NLRP1: variants seen among roughly 807,000 people sequenced by gnomAD.
The protein encoded by NLRP1 is NLR family pyrin domain containing 1.
A neutral mutation model predicts 136.7 loss-of-function variants in NLRP1; 94 were observed. The observed-to-expected ratio is 0.69, with a 90% CI of 0.58 to 0.82. The LOEUF (loss-of-function observed/expected upper bound fraction) is 0.82. Among genes scored for constraint, NLRP1 ranks in the 40% least tolerant of loss-of-function variants. The pLI is 0.00. For synonymous variants in NLRP1, 690 were observed against 725.1 expected, an observed-to-expected ratio of 0.95 and a Z score of 0.78; for missense variants, 1,575 against 1,802.7, an observed-to-expected ratio of 0.87 and a Z score of 2.29.
intron 5 of NLRP1, among the ~76,000 whole-genome samples, chr17:5,542,905 C>T (rs999779062): frequency 6.6e-6 from 1 of 152,116 alleles, no homozygotes; most frequent in African/African-American, 2.4e-5. Flanking sequence ...TCTCGGCTCA[C>T]TGCAACCTCC....
downstream of NLRP1, chr17:5,512,112 G>A (rs554682372): frequency 2.3e-5 from 18 of 784,846 alleles, no homozygotes; most frequent in South Asian, 2.2e-4. Flanking sequence ...TGTCTTCATA[G>A]TCTGCACTTA....
In NLRP1 at chr17:5,553,474, C is replaced by A; in HGVS notation, c.2440G>T (p.Asp814Tyr). Residue 814 changes from aspartate to tyrosine, a missense_variant, in exon 5 of 17, where the codon GAC becomes TAC. Asp to Tyr is a radical substitution (Grantham distance 160, BLOSUM62 -3). Transcript: ENST00000572272. ...TGGCTCAGCGAGTTTCCACTTAGGT[C>A]CAGCTCCTTCAGGTTTCTGGTGACC... is the stretch of plus-strand genomic sequence containing the variant. ...LKVTRNLKEL[D>Y]LSGNSLSHSA... 6.2e-7 allele frequency: 1 copy of A among 1,614,156 alleles called. No homozygotes were observed. Among genetic ancestry groups the A allele is most frequent in the South Asian group, 1.1e-5 (1 of 91,084 alleles).
At chr17:5,521,372 A>G in intron 13 of NLRP1, 152 bp downstream of exon 13, 1 of 751,184 alleles carries the variant, frequency 1.3e-6, no homozygotes, top group Non-Finnish European at 2.2e-6. Context: ...TCCAAGACTG[A>G]GAGGGGACGA....
intron 15 of NLRP1, chr17:5,502,912 G>A (rs184798238): frequency 2.1e-4 from 32 of 152,402 alleles, no homozygotes; most frequent in African/African-American, 7.7e-4. Context: ...GTCAAGGGTG[G>A]AATATAAGGT....
intron 3 of NLRP1, among the ~76,000 whole-genome samples, chr17:5,570,457 A>C (rs1915752454): frequency 6.6e-6 from 1 of 152,146 alleles, no homozygotes; most frequent in African/African-American, 2.4e-5. Flanking sequence ...GGAAATATAA[A>C]AAACCCTCAG....
chr17:5,512,118 A>G, downstream of NLRP1: 1 of 796,828 alleles, frequency 1.3e-6, no homozygotes, highest in East Asian at 2.8e-5. Context: ...CATAGTCTGC[A>G]CTTATTCCCT....
At chr17:5,560,545 C>T (rs1234790776) in intron 3 of NLRP1, among the ~76,000 whole-genome samples, 1 of 151,888 alleles carries the variant, frequency 6.6e-6, no homozygotes, top group East Asian at 1.9e-4. Context: ...GGTCATCTGT[C>T]TGAGGGCTCT....
chr17:5,544,164 G>A (rs1912240470), intron 5 of NLRP1, among the ~76,000 whole-genome samples: 1 of 152,154 alleles, frequency 6.6e-6, no homozygotes, highest in Non-Finnish European at 1.5e-5. Context: ...TTTGAGTGTT[G>A]TGGGGCCCCC....
chr17:5,580,192 G>A (rs1340046409), intron 3 of NLRP1, among the ~76,000 whole-genome samples: 7 of 152,004 alleles, frequency 4.6e-5, no homozygotes, highest in Non-Finnish European at 1.0e-4. Flanking sequence ...TGGAGATCAC[G>A]CCACTGCACT....
At chr17:5,547,448 G>A (rs1912818586) in intron 5 of NLRP1, among the ~76,000 whole-genome samples, 1 of 152,190 alleles carries the variant, frequency 6.6e-6, no homozygotes, top group Admixed American at 6.5e-5. Context: ...GAACCTGTGT[G>A]TGTCTGGCTC....
rs4790779 is a variant in NLRP1, at chr17:5,578,514, T to A, written c.652+3345A>T. ...AGCCAACAGACATATGAAAAAATGCTCATCATCACTGGCCATTAGAGAAAT... is the reference window on the plus strand; with the variant it reads ...AGCCAACAGACATATGAAAAAATGCACATCATCACTGGCCATTAGAGAAAT... On this transcript the variant is annotated intron_variant, in intron 3 of 16. Coordinates refer to ENST00000572272, the MANE Select transcript of NLRP1 (RefSeq NM_033004.4). Among the ~76,000 whole-genome samples the A allele has an allele frequency of 3.2e-3, 486 of 152,232 alleles. 2 individuals are homozygous for A. The highest frequency in any genetic ancestry group is 0.011 in the African/African-American group (456 of 41,548).
At chr17:5,510,429 G>C (rs952941485), downstream of NLRP1, among the ~76,000 whole-genome samples, 1 of 151,510 alleles carries the variant, frequency 6.6e-6, no homozygotes. Flanking sequence ...GCGTGATCTC[G>C]GCTCACTGCA....
intron 5 of NLRP1, among the ~76,000 whole-genome samples, chr17:5,543,909 G>A (rs1382145084): frequency 1.3e-5 from 2 of 152,170 alleles, no homozygotes; most frequent in African/African-American, 4.8e-5. Flanking sequence ...GTACAACCAG[G>A]GTGGTTGCAC....
At chr17:5,528,565 T>A (rs543131810) in intron 12 of NLRP1, among the ~76,000 whole-genome samples, 6 of 152,338 alleles carry the variant, frequency 3.9e-5, no homozygotes, top group Non-Finnish European at 8.8e-5. Flanking sequence ...TTTTGTGGCC[T>A]CAACAAACAA....
At chr17:5,563,626 G>A (rs1372537642) in intron 3 of NLRP1, among the ~76,000 whole-genome samples, 2 of 152,170 alleles carry the variant, frequency 1.3e-5, no homozygotes, top group Non-Finnish European at 2.9e-5. Context: ...TGGGATTTTG[G>A]AAAGAGACCA....
chr17:5,557,657 C>T (rs1226538899), intron 4 of NLRP1, among the ~76,000 whole-genome samples: 2 of 152,106 alleles, frequency 1.3e-5, no homozygotes, highest in African/African-American at 4.8e-5. Flanking sequence ...AGACACATAC[C>T]AATAGCATGT....
At chr17:5,535,219 C>CA (rs961680088) in intron 8 of NLRP1, among the ~76,000 whole-genome samples, 2,131 of 127,072 alleles carry the variant, frequency 0.017, 26 homozygotes, top group Non-Finnish European at 0.025. Context: ...GACTCTGTCT[C>CA]AAAAAAAAAA....
At position 5,559,635 on chromosome 17, in the gene NLRP1, C is replaced by T. The variant is rs115872694; in HGVS notation, c.1061G>A (p.Gly354Asp). 4,583 of 1,614,234 alleles carry T rather than the reference C, an allele frequency of 2.8e-3. 102 individuals are homozygous for T. The African/African-American group carries it at 0.053, about 19-fold the overall frequency. Residue 354 changes from glycine (G) to aspartate (D), a missense_variant, in exon 4 of 17, where the codon GGC becomes GAC. By Grantham distance (94) the Gly-to-Asp change is moderately conservative. Coordinates refer to ENST00000572272, the MANE Select transcript of NLRP1 (RefSeq NM_033004.4). ...CTGGAAGCGGTCCCCATACAGCTGG[C>T]CTCTCCCCCAGGCTTCCTTCACCTG... is the stretch of plus-strand genomic sequence containing the variant. ...ARQVKEAWGR[G>D]QLYGDRFQHV... is the part of the protein sequence containing the mutation.
downstream of NLRP1, among the ~76,000 whole-genome samples, chr17:5,511,597 C>G (rs1248758855): frequency 6.6e-6 from 1 of 152,134 alleles, no homozygotes; most frequent in Non-Finnish European, 1.5e-5. Flanking sequence ...GAATACATTT[C>G]CTAGGCTTCC....
Sources: gnomAD v4.1 joint callset for allele counts (sites outside exome capture counted in the v4.1 genomes callset) on GRCh38, gnomAD v4.1.1 for gene constraint, MANE v1.5 for transcripts, NCBI Gene and HGNC (gene_info 2026-07-23, HGNC 2026-07-21) for gene names.